POC1A: variants seen among roughly 807,000 people sequenced by gnomAD.
POC1A encodes POC1 centriolar protein A.
A neutral mutation model predicts 47.8 loss-of-function variants in POC1A; 34 were observed. The ratio of observed to expected loss-of-function variants is 0.71; its 90% CI spans 0.54 to 0.95. The LOEUF (loss-of-function observed/expected upper bound fraction) is 0.95. Among genes scored for constraint, POC1A ranks in the 40% least tolerant of loss-of-function variants. The pLI, the probability that POC1A is intolerant of heterozygous loss-of-function variation, is 0.00. For synonymous variants in POC1A, 177 were observed against 207.6 expected (o/e 0.85, Z 1.27); for missense variants, 466 against 528.3 (o/e 0.88, Z 1.16).
intron 10 of POC1A, among the ~76,000 whole-genome samples, chr3:52,081,053 C>G (rs1036406607): frequency 2.6e-5 from 4 of 152,232 alleles, no homozygotes; most frequent in Admixed American, 2.0e-4. Flanking sequence ...TTTCTGAACC[C>G]TTTTCCTACT....
At chr3:52,138,697 C>T (rs763865001) in intron 6 of POC1A, among the ~76,000 whole-genome samples, 13 of 152,186 alleles carry the variant, frequency 8.5e-5, no homozygotes, top group Non-Finnish European at 1.5e-4. Flanking sequence ...CAATGGAAAA[C>T]AAAACCCTTC....
At chr3:52,097,441 A>G (rs532842509) in intron 9 of POC1A, among the ~76,000 whole-genome samples, 66 of 152,342 alleles carry the variant, frequency 4.3e-4, no homozygotes, top group Non-Finnish European at 7.3e-4. Context: ...TCAGCCCCTA[A>G]ATTCAGCAAA....
At chr3:52,082,496 C>T (rs1243657334) in intron 10 of POC1A, among the ~76,000 whole-genome samples, 2 of 152,114 alleles carry the variant, frequency 1.3e-5, no homozygotes, top group East Asian at 1.9e-4. Context: ...GTGATTCATC[C>T]GCCTGAGCTC....
intron 10 of POC1A, among the ~76,000 whole-genome samples, chr3:52,085,740 G>A (rs1156829148): frequency 2.6e-5 from 4 of 152,214 alleles, no homozygotes; most frequent in South Asian, 2.1e-4. Flanking sequence ...CTAACTCGCC[G>A]AGCAGCCTTA....
chr3:52,137,353 T>C (rs1488417075), intron 7 of POC1A, among the ~76,000 whole-genome samples: 1 of 152,126 alleles, frequency 6.6e-6, no homozygotes, highest in Non-Finnish European at 1.5e-5. Context: ...ACTTAGCTGA[T>C]AGTCCAAGAC....
At chr3:52,103,933 A>G (rs142406374) in intron 9 of POC1A, among the ~76,000 whole-genome samples, 1 of 152,358 alleles carries the variant, frequency 6.6e-6, no homozygotes, top group Non-Finnish European at 1.5e-5. Flanking sequence ...AAAGTTTGAC[A>G]GTTATTAAAA....
At chr3:52,086,934 CCT>C (rs1421122826) in intron 10 of POC1A, among the ~76,000 whole-genome samples, 1 of 152,232 alleles carries the variant, frequency 6.6e-6, no homozygotes, top group South Asian at 2.1e-4. Context: ...GGACAAATGC[CCT>C]GAGTGCTATG....
intron 8 of POC1A, among the ~76,000 whole-genome samples, chr3:52,123,447 A>G (rs1703871774): frequency 6.6e-6 from 1 of 152,178 alleles, no homozygotes; most frequent in Non-Finnish European, 1.5e-5. Flanking sequence ...CCGTATCCAC[A>G]CAAGATGAAC....
chr3:52,116,124 C>A (rs969939906), intron 9 of POC1A, among the ~76,000 whole-genome samples: 8 of 152,140 alleles, frequency 5.3e-5, no homozygotes, highest in African/African-American at 1.9e-4. Context: ...GGAGTGAGAA[C>A]CCAGATCTTA....
intron 10 of POC1A, among the ~76,000 whole-genome samples, chr3:52,092,628 T>C (rs1702680973): frequency 6.6e-6 from 1 of 152,148 alleles, no homozygotes; most frequent in Admixed American, 6.5e-5. Flanking sequence ...GATGAGTATG[T>C]GATCCCCACA....
rs1399922616 is a variant in POC1A, at chr3:52,149,839, A to G, written c.252T>C (p.Thr84=). The change falls in exon 3 of 11, where the codon ACT becomes ACC. Residue 84 remains threonine (T), a synonymous_variant. Coordinates refer to ENST00000296484, the MANE Select transcript of POC1A (RefSeq NM_015426.5). ...HLLASGSRDK[T]VRIWVPNVKG... is the part of the protein sequence containing the mutation. Reference sequence around the variant, plus strand: ...ACACATTGGGTACCCAGATGCGGACAGTCTTGTCTCGGGAGCCGGAAGCAA... The same window carrying G: ...ACACATTGGGTACCCAGATGCGGACGGTCTTGTCTCGGGAGCCGGAAGCAA... The G allele has an allele frequency of 6.2e-7, 1 of 1,613,772 alleles. No homozygotes were observed. Among genetic ancestry groups the G allele is most frequent in the South Asian group, 1.1e-5 (1 of 91,078 alleles).
intron 10 of POC1A, among the ~76,000 whole-genome samples, chr3:52,086,038 C>G: frequency 6.6e-6 from 1 of 152,124 alleles, no homozygotes; most frequent in East Asian, 1.9e-4. Flanking sequence ...CTGGCTGCTT[C>G]TTTAAGTTCT....
intron 6 of POC1A, among the ~76,000 whole-genome samples, chr3:52,144,775 G>A (rs1279495685): frequency 1.3e-5 from 2 of 152,192 alleles, no homozygotes; most frequent in Admixed American, 1.3e-4. Flanking sequence ...TCAAGATTAG[G>A]ATCTTCTCCC....
intron 9 of POC1A, among the ~76,000 whole-genome samples, chr3:52,105,839 ATGCAGCG>A (rs1191404390): frequency 1.3e-5 from 2 of 152,202 alleles, no homozygotes; most frequent in Non-Finnish European, 2.9e-5. Flanking sequence ...GGGTATGAAC[ATGCAGCG>A]TGCCTTTTCA....
At chr3:52,120,373 T>A (rs1220670818) in intron 9 of POC1A, among the ~76,000 whole-genome samples, 1 of 152,196 alleles carries the variant, frequency 6.6e-6, no homozygotes, top group East Asian at 1.9e-4. Flanking sequence ...GGCATGTGTG[T>A]GTCAGTGAAA....
intron 6 of POC1A, among the ~76,000 whole-genome samples, chr3:52,139,571 C>T (rs1698114415): frequency 6.6e-6 from 1 of 152,174 alleles, no homozygotes; most frequent in Admixed American, 6.5e-5. Flanking sequence ...CCTGGCCTCC[C>T]AATTAGGGCC....
chr3:52,108,321 C>A (rs769995462), intron 9 of POC1A, among the ~76,000 whole-genome samples: 14 of 152,232 alleles, frequency 9.2e-5, no homozygotes, highest in Non-Finnish European at 2.1e-4. Context: ...GTCAGCTCCA[C>A]TTGCAGCTGC....
chr3:52,142,535 C>T (rs1051138583), intron 6 of POC1A, among the ~76,000 whole-genome samples: 12 of 152,202 alleles, frequency 7.9e-5, no homozygotes, highest in African/African-American at 2.2e-4. Context: ...CAACTATGGA[C>T]GGCTGGATGC....
chr3:52,136,790 T>C (rs909428708), intron 7 of POC1A, among the ~76,000 whole-genome samples: 1 of 152,238 alleles, frequency 6.6e-6, no homozygotes, highest in African/African-American at 2.4e-5. Context: ...ATGTGCCAGA[T>C]GCGATGCCAG....
Sources: gnomAD v4.1 joint callset for allele counts (sites outside exome capture counted in the v4.1 genomes callset) on GRCh38, gnomAD v4.1.1 for gene constraint, MANE v1.5 for transcripts, NCBI Gene and HGNC (gene_info 2026-07-23, HGNC 2026-07-21) for gene names.